The following RIMS1 variants were observed in gnomAD, a reference collection of about 807,000 sequenced individuals.
The protein encoded by RIMS1 is regulating synaptic membrane exocytosis protein 1.
In RIMS1, 83 loss-of-function variants were observed where a neutral mutation model predicts 214.1. That is an observed-to-expected ratio of 0.39 (90% CI 0.32 to 0.47). RIMS1 has a LOEUF of 0.47. Among genes scored for constraint, RIMS1 ranks in the 20% least tolerant of loss-of-function variants. RIMS1 has a pLI of 0.99. For synonymous variants in RIMS1, 793 were observed against 786.8 expected, an observed-to-expected ratio of 1.01 and a Z score of -0.13; for missense variants, 2,050 against 2,161.8, an observed-to-expected ratio of 0.95 and a Z score of 1.03.
At chr6:71,994,644 C>T (rs2151650042) in intron 2 of RIMS1, among the ~76,000 whole-genome samples, 1 of 152,294 alleles carries the variant, frequency 6.6e-6, no homozygotes, top group South Asian at 2.1e-4. Flanking sequence ...GAATGCTTCA[C>T]CTTGTCATCA....
At chr6:72,366,230 A>G (rs2098013244) in intron 29 of RIMS1, among the ~76,000 whole-genome samples, 1 of 152,204 alleles carries the variant, frequency 6.6e-6, no homozygotes, top group Admixed American at 6.5e-5. Flanking sequence ...TAATAAGTAT[A>G]TATTGAAAGT....
intron 2 of RIMS1, among the ~76,000 whole-genome samples, chr6:72,041,445 G>A (rs1821408025): frequency 6.6e-6 from 1 of 151,914 alleles, no homozygotes; most frequent in African/African-American, 2.4e-5. Flanking sequence ...GACTTAAGAT[G>A]AAGGGAGGAT....
At chr6:72,370,589 T>G (rs1194996263) in intron 29 of RIMS1, among the ~76,000 whole-genome samples, 1 of 152,238 alleles carries the variant, frequency 6.6e-6, no homozygotes, top group Non-Finnish European at 1.5e-5. Flanking sequence ...TTATGTGGTT[T>G]CCTTCCTCCC....
intron 2 of RIMS1, among the ~76,000 whole-genome samples, chr6:72,018,069 C>A (rs519470): frequency 0.44 from 66,694 of 151,754 alleles, 15,610 homozygotes; most frequent in Non-Finnish European, 0.52. Context: ...TCTGAGGTAC[C>A]TTTGAACCAT....
chr6:72,287,658 C>T (rs1038067214), intron 24 of RIMS1, among the ~76,000 whole-genome samples: 3 of 151,096 alleles, frequency 2.0e-5, no homozygotes, highest in Non-Finnish European at 2.9e-5. Flanking sequence ...TGTGGTCACA[C>T]GATGTTGGCT....
chr6:71,896,146 G>A (rs1300005803), intron 1 of RIMS1, among the ~76,000 whole-genome samples: 1 of 152,084 alleles, frequency 6.6e-6, no homozygotes, highest in Non-Finnish European at 1.5e-5. Flanking sequence ...TGAAATTTTA[G>A]TAAGATCCAA....
chr6:72,183,468 AAAAC>A (rs2048639012), intron 6 of RIMS1, among the ~76,000 whole-genome samples: 1 of 152,096 alleles, frequency 6.6e-6, no homozygotes, highest in South Asian at 2.1e-4. Flanking sequence ...TATTCTGTGA[AAAAC>A]AATTTGTTTG....
chr6:72,238,151 TA>T (rs1324742386), intron 9 of RIMS1, among the ~76,000 whole-genome samples: 1 of 151,836 alleles, frequency 6.6e-6, no homozygotes, highest in Non-Finnish European at 1.5e-5. Flanking sequence ...ATCTGGAGAG[TA>T]AGGGTAGGAA....
intron 4 of RIMS1, among the ~76,000 whole-genome samples, chr6:72,120,943 G>A (rs1305626601): frequency 6.6e-6 from 1 of 151,852 alleles, no homozygotes; most frequent in Non-Finnish European, 1.5e-5. Context: ...TGTTAAGTTT[G>A]TCAAAGACTA....
chr6:72,136,834 A>G lies in RIMS1; in HGVS notation c.471+36848A>G, dbSNP rs548236816. 5.3e-5 allele frequency among the ~76,000 whole-genome samples: 8 copies of G among 152,256 alleles called. No individual in the cohort carries two copies. In the South Asian group the frequency reaches 1.7e-3, roughly 31 times the overall value. On this transcript the variant is annotated intron_variant, in intron 4 of 33. Coordinates refer to ENST00000521978, the MANE Select transcript of RIMS1 (RefSeq NM_014989.7). Reference sequence around the variant, plus strand: ...TGACAGCCATTTCTAATGAAACACTAGCTTTAAATATAATACAGCCTCCTA... The same window carrying G: ...TGACAGCCATTTCTAATGAAACACTGGCTTTAAATATAATACAGCCTCCTA...
intron 6 of RIMS1, among the ~76,000 whole-genome samples, chr6:72,186,758 C>G (rs1053441265): frequency 1.4e-5 from 2 of 144,984 alleles, no homozygotes; most frequent in Admixed American, 7.2e-5. Flanking sequence ...CATTCTATGT[C>G]CGAACTGCAT....
rs11751101 is a variant in RIMS1, at chr6:72,400,789, G to A, written c.*75G>A. On this transcript the variant is annotated 3_prime_UTR_variant, in exon 34 of 34. Coordinates refer to ENST00000521978, the MANE Select transcript of RIMS1 (RefSeq NM_014989.7). ...AATCTGAACCAGATATTTCATGATC[G>A]AAAGCATTGTTGGAGACAGACAATC... is the stretch of plus-strand genomic sequence containing the variant. 28,830 of 1,216,572 alleles carry A rather than the reference G, an allele frequency of 0.024. 439 individuals are homozygous for A. Among genetic ancestry groups the A allele is most frequent in the Middle Eastern group, 0.036 (134 of 3,752 alleles). The allele number at this position is 1,216,572 out of a possible 1,614,324, so 75.4% of individuals were successfully genotyped here. A position where few individuals can be genotyped will look rare whatever the true frequency, so the allele number is the denominator to read the frequency against.
intron 26 of RIMS1, among the ~76,000 whole-genome samples, chr6:72,301,917 A>T (rs1027810152): frequency 4.6e-5 from 7 of 151,632 alleles, no homozygotes; most frequent in African/African-American, 1.7e-4. Flanking sequence ...TCCTCGTGAT[A>T]CCTATAGTCA....
At chr6:72,069,782 A>G (rs1239966136) in intron 2 of RIMS1, among the ~76,000 whole-genome samples, 1 of 152,226 alleles carries the variant, frequency 6.6e-6, no homozygotes, top group Non-Finnish European at 1.5e-5. Flanking sequence ...TTCAGATTGA[A>G]AAGTTCATCT....
intron 1 of RIMS1, among the ~76,000 whole-genome samples, chr6:71,950,145 C>A (rs892837950): frequency 1.3e-5 from 2 of 152,072 alleles, no homozygotes; most frequent in Non-Finnish European, 2.9e-5. Flanking sequence ...ACTTGACACT[C>A]TAGAAAGGGC....
chr6:72,312,763 GAA>G (rs2095574591), intron 27 of RIMS1, among the ~76,000 whole-genome samples: 1 of 152,012 alleles, frequency 6.6e-6, no homozygotes, highest in African/African-American at 2.4e-5. Flanking sequence ...CCTTGTTTTT[GAA>G]AAGTTATATA....
Position 71,968,943 on chromosome 6 carries a change from A to G in RIMS1, c.165-40A>G, listed in dbSNP as rs1795137569. On this transcript the variant is annotated intron_variant, in intron 1 of 33. Transcript: ENST00000521978. ...TTTCTAGATGTGTTCTACCCTTTTT[A>G]TAATTAATAGTGCGTTGTGCTGTCT... The G allele has an allele frequency of 3.9e-6, 6 of 1,554,438 alleles. No individual in the cohort carries two copies. The South Asian group carries it at 5.6e-5, about 14-fold the overall frequency.
chr6:71,986,156 T>G (rs1173015547), intron 2 of RIMS1, among the ~76,000 whole-genome samples: 1 of 151,556 alleles, frequency 6.6e-6, no homozygotes, highest in Non-Finnish European at 1.5e-5. Flanking sequence ...CAAACTTAAC[T>G]TGATGTCAAG....
chr6:72,266,717 T>C (rs2080739093), intron 22 of RIMS1, among the ~76,000 whole-genome samples: 1 of 152,170 alleles, frequency 6.6e-6, no homozygotes, highest in Admixed American at 6.6e-5. Flanking sequence ...TTACACTATC[T>C]CCTAGCTGTA....
Sources: gnomAD v4.1 joint callset for allele counts (sites outside exome capture counted in the v4.1 genomes callset) on GRCh38, gnomAD v4.1.1 for gene constraint, MANE v1.5 for transcripts, NCBI Gene and HGNC (gene_info 2026-07-23, HGNC 2026-07-21) for gene names.